The following STARD13 variants were observed in gnomAD, a reference collection of about 807,000 sequenced individuals.
The protein encoded by STARD13 is stAR-related lipid transfer protein 13.
STARD13 carries 62 observed loss-of-function variants against 106.4 expected under a neutral mutation model. The ratio of observed to expected loss-of-function variants is 0.58; its 90% CI spans 0.48 to 0.72. The LOEUF is 0.72. Among genes scored for constraint, STARD13 ranks in the 30% least tolerant of loss-of-function variants. STARD13 has a pLI of 0.00. For synonymous variants in STARD13, 565 were observed against 553.0 expected (o/e 1.02, Z -0.31); for missense variants, 1,387 against 1,424.0 (o/e 0.97, Z 0.42).
the STARD13 span, among the ~76,000 whole-genome samples, chr13:33,357,986 G>C: frequency 1.3e-5 from 2 of 152,228 alleles, no homozygotes; most frequent in Non-Finnish European, 2.9e-5. Flanking sequence ...GGAGGGAGAG[G>C]CACGAGCGGG....
At chr13:33,477,535 C>T in the STARD13 span, among the ~76,000 whole-genome samples, 10 of 152,346 alleles carry the variant, frequency 6.6e-5, no homozygotes, top group South Asian at 4.1e-4. Flanking sequence ...AGTGAACCCA[C>T]TTATGGTCAA....
At chr13:33,549,956 T>C in the STARD13 span, among the ~76,000 whole-genome samples, 1 of 152,190 alleles carries the variant, frequency 6.6e-6, no homozygotes, top group Non-Finnish European at 1.5e-5. Flanking sequence ...TTGAAAACTT[T>C]CCACACTCAT....
At chr13:33,159,232 A>G (rs975674686) in intron 3 of STARD13, among the ~76,000 whole-genome samples, 3 of 152,086 alleles carry the variant, frequency 2.0e-5, no homozygotes, top group African/African-American at 7.2e-5. Context: ...ACAAGAGAAG[A>G]CTTCCTGATT....
At chr13:33,647,879 C>A in the STARD13 span, among the ~76,000 whole-genome samples, 3 of 151,980 alleles carry the variant, frequency 2.0e-5, no homozygotes, top group African/African-American at 2.4e-5. Flanking sequence ...CATATATAAT[C>A]AAATAATATA....
At chr13:33,244,496 C>G (rs1037822995) in intron 1 of STARD13, among the ~76,000 whole-genome samples, 2 of 151,986 alleles carry the variant, frequency 1.3e-5, no homozygotes, top group Non-Finnish European at 2.9e-5. Context: ...TGAAATTTAG[C>G]CTTGCTGCTC....
At chr13:33,270,514 A>C (rs1480340493) in intron 1 of STARD13, among the ~76,000 whole-genome samples, 2 of 152,128 alleles carry the variant, frequency 1.3e-5, no homozygotes, top group African/African-American at 4.8e-5. Context: ...TTCCTCAATT[A>C]TATTACAGAA....
intron 1 of STARD13, among the ~76,000 whole-genome samples, chr13:33,320,844 T>G (rs923280666): frequency 1.3e-5 from 2 of 152,184 alleles, no homozygotes; most frequent in African/African-American, 4.8e-5. Context: ...TGTACCATTC[T>G]AAATGGAAAA....
chr13:33,264,013 G>C (rs987647627), intron 1 of STARD13, among the ~76,000 whole-genome samples: 2 of 152,184 alleles, frequency 1.3e-5, no homozygotes, highest in African/African-American at 2.4e-5. Context: ...GCTCACTCTT[G>C]GGATGCAGTC....
the STARD13 span, among the ~76,000 whole-genome samples, chr13:33,608,171 T>TAC: frequency 0.032 from 4,858 of 152,296 alleles, 123 homozygotes; most frequent in African/African-American, 0.066. Context: ...CCTCCCAAAG[T>TAC]ACTGGGATTA....
the STARD13 span, among the ~76,000 whole-genome samples, chr13:33,508,000 C>T: frequency 6.6e-6 from 1 of 151,992 alleles, no homozygotes; most frequent in South Asian, 2.1e-4. Flanking sequence ...GCAGTTCAAG[C>T]CCGTGTTGTG....
upstream of STARD13, among the ~76,000 whole-genome samples, chr13:33,351,160 A>T (rs1165795675): frequency 6.6e-6 from 1 of 152,214 alleles, no homozygotes; most frequent in East Asian, 1.9e-4. Context: ...ATACGGTTTG[A>T]AGTGTCAAAA....
intron 1 of STARD13, among the ~76,000 whole-genome samples, chr13:33,339,636 A>G (rs2077936819): frequency 6.6e-6 from 1 of 152,250 alleles, no homozygotes; most frequent in Non-Finnish European, 1.5e-5. Context: ...GAAATCAAAC[A>G]CTTAGCACAA....
At chr13:33,575,689 G>A in the STARD13 span, among the ~76,000 whole-genome samples, 1 of 152,046 alleles carries the variant, frequency 6.6e-6, no homozygotes, top group Admixed American at 6.6e-5. Context: ...CGCCACTCAG[G>A]TTTCCTCTTC....
chr13:33,249,759 A>G (rs964726332), intron 1 of STARD13, among the ~76,000 whole-genome samples: 1 of 152,062 alleles, frequency 6.6e-6, no homozygotes, highest in African/African-American at 2.4e-5. Context: ...TCCTAATGCC[A>G]TCATACACCA....
At chr13:33,388,111 G>A in the STARD13 span, among the ~76,000 whole-genome samples, 1 of 152,188 alleles carries the variant, frequency 6.6e-6, no homozygotes, top group Non-Finnish European at 1.5e-5. Flanking sequence ...GCAACATAGA[G>A]TTTCTCTTCC....
chr13:33,672,757 T>C, the STARD13 span, among the ~76,000 whole-genome samples: 1 of 152,344 alleles, frequency 6.6e-6, no homozygotes, highest in African/African-American at 2.4e-5. Flanking sequence ...GGGAAATAAT[T>C]ATTTGCAACC....
At chr13:33,208,980 C>T (rs1887568079) in intron 1 of STARD13, among the ~76,000 whole-genome samples, 1 of 152,180 alleles carries the variant, frequency 6.6e-6, no homozygotes, top group Non-Finnish European at 1.5e-5. Flanking sequence ...GTTTAAAATA[C>T]ACACACAGCT....
At chr13:33,608,601 A>G in the STARD13 span, among the ~76,000 whole-genome samples, 2 of 152,242 alleles carry the variant, frequency 1.3e-5, no homozygotes, top group South Asian at 4.1e-4. Context: ...TAGTATCATA[A>G]TTCAGTGGTG....
intron 1 of STARD13, among the ~76,000 whole-genome samples, chr13:33,326,282 T>C (rs1440798491): frequency 6.6e-6 from 1 of 152,214 alleles, no homozygotes; most frequent in East Asian, 1.9e-4. Context: ...AAGAGATTTA[T>C]CAGCCAGAGA....
Sources: allele counts gnomAD v4.1 joint callset (sites outside exome capture counted in the v4.1 genomes callset), GRCh38; gene constraint gnomAD v4.1.1; transcripts MANE v1.5; gene names NCBI Gene and HGNC (gene_info 2026-07-23, HGNC 2026-07-21).